The following ASB16 variants were observed in gnomAD, a reference collection of about 807,000 sequenced individuals.
ASB16 encodes the protein ankyrin repeat and SOCS box containing 16.
A neutral mutation model predicts 39.1 loss-of-function variants in ASB16; 44 were observed. That is an observed-to-expected ratio of 1.13 (90% CI 0.88 to 1.45). The LOEUF (loss-of-function observed/expected upper bound fraction) is 1.45. Among genes scored for constraint, ASB16 ranks in the 40% most tolerant of loss-of-function variants. ASB16 has a pLI of 0.00. For synonymous variants in ASB16, 305 were observed against 286.7 expected, an observed-to-expected ratio of 1.06 and a Z score of -0.64; for missense variants, 698 against 634.5, an observed-to-expected ratio of 1.10 and a Z score of -1.07.
chr17:44,178,572 A>G lies in ASB16; in HGVS notation c.*182A>G. On this transcript the variant is annotated 3_prime_UTR_variant, in exon 5 of 5. Transcript: ENST00000293414. ...ACTGCAACTTCTACCACCTAGGTTC[A>G]AGCGATTCTTGTGCCCCAAACTTCC... is the stretch of plus-strand genomic sequence containing the variant. The G allele has an allele frequency of 1.5e-6, 1 of 662,636 alleles. No individual in the cohort carries two copies. The allele number at this position is 662,636 out of a possible 1,614,324, so 41.0% of individuals were successfully genotyped here.
chr17:44,173,104 A>AAAAAC (rs1567730708), intron 2 of ASB16, among the ~76,000 whole-genome samples: 1 of 138,804 alleles, frequency 7.2e-6, no homozygotes, highest in Non-Finnish European at 1.5e-5. Context: ...AAAAAAAAAA[A>AAAAAC]AAAGCCGGGC....
chr17:44,177,152 C>G lies in ASB16; in HGVS notation c.984C>G (p.Val328=). 2 of 1,522,578 alleles carry G rather than the reference C, an allele frequency of 1.3e-6. No individual in the cohort carries two copies. Among genetic ancestry groups the G allele is most frequent in the South Asian group, 1.2e-5 (1 of 81,086 alleles). 94.3% of individuals were successfully genotyped at this position (1,522,578 alleles called of 1,614,324 possible). A position where few individuals can be genotyped will look rare whatever the true frequency, so the allele number is the denominator to read the frequency against. ...HTPMDCALQA[V]QDSPNWEPEV... ...CCATGGACTGTGCGCTGCAGGCCGT[C>G]CAGGACTCCCCCAACTGGGAGCCTG... The change falls in exon 3 of 5, where the codon GTC becomes GTG. Residue 328 remains valine (V), a synonymous_variant. Coordinates refer to ENST00000293414, the MANE Select transcript of ASB16 (RefSeq NM_080863.5).
intron 2 of ASB16, among the ~76,000 whole-genome samples, chr17:44,174,045 T>G (rs1182890012): frequency 6.7e-6 from 1 of 148,628 alleles, no homozygotes; most frequent in African/African-American, 2.5e-5. Flanking sequence ...CTATTTTTTT[T>G]TTTTTTTTTT....
Position 44,177,723 on chromosome 17 carries a change from G to GT in ASB16, c.1176+2dup, listed in dbSNP as rs1302121568. Reference sequence around the variant, plus strand: ...GGCGGTGCTCCCAGAGCTGTGGAAGGTATGTTTGCCTCAGGGCCGAGATGG... The same window carrying GT: ...GGCGGTGCTCCCAGAGCTGTGGAAGGTTATGTTTGCCTCAGGGCCGAGATGG... On this transcript the variant is annotated splice_donor_variant, in intron 4 of 4. Transcript: ENST00000293414. LOFTEE classifies it high-confidence loss of function. The GT allele has an allele frequency of 1.2e-6, 2 of 1,613,166 alleles. No individual in the cohort carries two copies. The highest frequency in any genetic ancestry group is 1.3e-5 in the African/African-American group (1 of 74,880).
In ASB16 at chr17:44,172,834, C is replaced by A. The variant is rs1171855696; in HGVS notation, c.569+521C>A. On this transcript the variant is annotated intron_variant, in intron 2 of 4. Coordinates refer to ENST00000293414, the MANE Select transcript of ASB16 (RefSeq NM_080863.5). ...GTTTTGCCATGTTGGCCAGGCTGGT[C>A]TTGAACTCCTGTCCTCAAGTGATCC... is the stretch of plus-strand genomic sequence containing the variant. Among the ~76,000 whole-genome samples the A allele has an allele frequency of 2.0e-5, 3 of 150,912 alleles. No homozygotes were observed. The South Asian group carries it at 6.5e-4, about 33-fold the overall frequency.
At position 44,176,805 on chromosome 17, in the gene ASB16, C is replaced by T. The variant is rs1275137202; in HGVS notation, c.637C>T (p.Pro213Ser). The part of the protein sequence containing the change: ...NLAAGESQET[P>S]LHVAAARGLE... The stretch of plus-strand genomic sequence containing the variant: ...GGCAGCAGGCGAGAGCCAGGAGACG[C>T]CCCTGCACGTGGCGGCGGCGCGCGG... Residue 213 changes from proline (P) to serine (S), a missense_variant, in exon 3 of 5, where the codon CCC becomes TCC. By Grantham distance (74) the Pro-to-Ser change is moderately conservative. Transcript: ENST00000293414. 1.2e-6 allele frequency: 2 copies of T among 1,613,076 alleles called. No individual in the cohort carries two copies. The highest frequency in any genetic ancestry group is 1.7e-6 in the Non-Finnish European group (2 of 1,179,504).
chr17:44,176,851 T>G lies in ASB16; in HGVS notation c.683T>G (p.Leu228Arg), dbSNP rs1363330812. The change falls in exon 3 of 5, where the codon CTG becomes CGG. Residue 228 changes from leucine to arginine, a missense_variant. Leu to Arg is a moderately radical substitution (Grantham distance 102). Coordinates refer to ENST00000293414, the MANE Select transcript of ASB16 (RefSeq NM_080863.5). ...AARGLEQHVA[L>R]YLEHGADVGL... ...CGCGGCCTGGAGCAACATGTGGCTC[T>G]GTACCTGGAGCATGGCGCCGACGTG... 6.2e-7 allele frequency: 1 copy of G among 1,611,306 alleles called. No individual in the cohort carries two copies. Among genetic ancestry groups the G allele is most frequent in the African/African-American group, 1.3e-5 (1 of 74,898 alleles).
chr17:44,174,461 T>C (rs899368489), intron 2 of ASB16, among the ~76,000 whole-genome samples: 2 of 152,168 alleles, frequency 1.3e-5, no homozygotes, highest in South Asian at 2.1e-4. Context: ...CCTCCCAAAG[T>C]GTTGGGATTA....
chr17:44,177,332 C>A, intron 3 of ASB16, 102 bp downstream of exon 3: 1 of 1,423,138 alleles, frequency 7.0e-7, no homozygotes, highest in Non-Finnish European at 9.3e-7. Context: ...AGACTGAAAG[C>A]CTGCCCTCAG....
rs964143968 is a variant in ASB16 at position 44,176,980 on chromosome 17, T to A, written c.812T>A (p.Leu271Gln). 15 of 1,489,778 alleles carry A rather than the reference T, an allele frequency of 1.0e-5. No homozygotes were observed. The highest frequency in any genetic ancestry group is 1.3e-5 in the Non-Finnish European group (15 of 1,132,154). 92.3% of individuals were successfully genotyped at this position (1,489,778 alleles called of 1,614,324 possible). ...CACCAGGCTGCGGCGCGCCGGCTCC[T>A]GGAGGCTGGAGCTGATGCCCGGGCG... is the stretch of plus-strand genomic sequence containing the variant. ...RRHQAAARRL[L>Q]EAGADARAAG... is the part of the protein sequence containing the mutation. The change falls in exon 3 of 5, where the codon CTG (leucine) becomes CAG (glutamine). Residue 271 changes from leucine (L) to glutamine (Q), a missense_variant. Coordinates refer to ENST00000293414, the MANE Select transcript of ASB16 (RefSeq NM_080863.5).
At chr17:44,174,037 ATTTTTTT>A (rs1157730462) in intron 2 of ASB16, among the ~76,000 whole-genome samples, 1 of 114,720 alleles carries the variant, frequency 8.7e-6, no homozygotes, top group Admixed American at 9.7e-5. Flanking sequence ...ACACCTGGCT[ATTTTTTT>A]TTTTTTTTTT....
chr17:44,174,628 A>G (rs1255925388), intron 2 of ASB16, among the ~76,000 whole-genome samples: 1 of 152,144 alleles, frequency 6.6e-6, no homozygotes, highest in South Asian at 2.1e-4. Context: ...ACTGCCCACA[A>G]GCTGGGGACC....
At chr17:44,173,204 T>G (rs1391981567) in intron 2 of ASB16, among the ~76,000 whole-genome samples, 3 of 143,134 alleles carry the variant, frequency 2.1e-5, no homozygotes, top group Non-Finnish European at 4.5e-5. Context: ...CTGGCCAACA[T>G]AGTGAAACCC....
In ASB16 at chr17:44,177,087, G is replaced by A. The variant is rs1254661369; in HGVS notation, c.919G>A (p.Gly307Arg). 1 of 1,475,296 alleles carries A rather than the reference G, an allele frequency of 6.8e-7. No homozygotes were observed. Among genetic ancestry groups the A allele is most frequent in the Non-Finnish European group, 8.9e-7 (1 of 1,124,438 alleles). The allele number at this position is 1,475,296 out of a possible 1,614,324, so 91.4% of individuals were successfully genotyped here. A position where few individuals can be genotyped will look rare whatever the true frequency, so the allele number is the denominator to read the frequency against. The change falls in exon 3 of 5, where the codon GGG (glycine) becomes AGG (arginine). Residue 307 changes from glycine to arginine, a missense_variant. Transcript: ENST00000293414. ...GGLAELLLRY[G>R]ARAEVPNGAG... ...CCTGGCCGAGCTGCTGCTGCGTTAC[G>A]GGGCCCGCGCTGAGGTCCCCAATGG... is the stretch of plus-strand genomic sequence containing the variant.
Position 44,178,455 on chromosome 17 carries a change from G to A in ASB16, c.*65G>A. ...CCACCTGTCCCCGCCTCCAACTGCG[G>A]AGGACCAGTTCCTGGCCCTCTTTTC... On this transcript the variant is annotated 3_prime_UTR_variant, in exon 5 of 5. Coordinates refer to ENST00000293414, the MANE Select transcript of ASB16 (RefSeq NM_080863.5). 2.0e-6 allele frequency: 3 copies of A among 1,463,434 alleles called. No homozygotes were observed. The highest frequency in any genetic ancestry group is 2.8e-6 in the Non-Finnish European group (3 of 1,088,468). The allele number at this position is 1,463,434 out of a possible 1,614,324, so 90.7% of individuals were successfully genotyped here.
At chr17:44,172,426 C>T (rs2054251125) in intron 2 of ASB16, 113 bp downstream of exon 2, 2 of 1,252,564 alleles carry the variant, frequency 1.6e-6, no homozygotes, top group African/African-American at 3.0e-5. Context: ...GTTCATAAAG[C>T]ACCGCATATA....
chr17:44,177,246 C>A lies in ASB16; in HGVS notation c.1062+16C>A. 6.6e-7 allele frequency: 1 copy of A among 1,525,302 alleles called. No homozygotes were observed. The highest frequency in any genetic ancestry group is 2.4e-5 in the East Asian group (1 of 40,956). 94.5% of individuals were successfully genotyped at this position (1,525,302 alleles called of 1,614,324 possible). A position where few individuals can be genotyped will look rare whatever the true frequency, so the allele number is the denominator to read the frequency against. ...GCGCCCTGAGGTGCGCTGGGAGGCC[C>A]TGACATAGGAGGCTCCTGTGTGGGG... On this transcript the variant is annotated intron_variant, in intron 3 of 4. Coordinates refer to ENST00000293414, the MANE Select transcript of ASB16 (RefSeq NM_080863.5).
At position 44,176,973 on chromosome 17, in the gene ASB16, CGG is replaced by C; in HGVS notation, c.806_807del (p.Arg269ProfsTer7). On this transcript the variant is annotated frameshift_variant, in exon 3 of 5. Transcript: ENST00000293414. LOFTEE classifies it high-confidence loss of function. Reference sequence around the variant, plus strand: ...CAGGCGACACCAGGCTGCGGCGCGCCGGCTCCTGGAGGCTGGAGCTGATGCCC... The same window carrying C: ...CAGGCGACACCAGGCTGCGGCGCGCCCTCCTGGAGGCTGGAGCTGATGCCC... Reference protein sequence around the residue: ...SCRRHQAAARRLLEAGADARA... With the variant: ...SCRRHQAAARXLLEAGADARA... The C allele has an allele frequency of 6.7e-7, 1 of 1,485,710 alleles. No individual in the cohort carries two copies. 92.0% of individuals were successfully genotyped at this position (1,485,710 alleles called of 1,614,324 possible).
At position 44,178,730 on chromosome 17, in the gene ASB16, A is replaced by G. The variant is rs2054336943; in HGVS notation, c.*340A>G. The G allele has an allele frequency of 3.4e-6, 1 of 297,204 alleles. No individual in the cohort carries two copies. The highest frequency in any genetic ancestry group is 3.5e-5 in the South Asian group (1 of 28,518). The allele number at this position is 297,204 out of a possible 1,614,324, so 18.4% of individuals were successfully genotyped here. A position where few individuals can be genotyped will look rare whatever the true frequency, so the allele number is the denominator to read the frequency against. On this transcript the variant is annotated 3_prime_UTR_variant, in exon 5 of 5. Transcript: ENST00000293414. Reference sequence around the variant, plus strand: ...GTGATCCACCCGCCTTGGCCTCCCAAAGTGTTGGGATTACAGGCATGAGCC... The same window carrying G: ...GTGATCCACCCGCCTTGGCCTCCCAGAGTGTTGGGATTACAGGCATGAGCC...
Sources: allele counts gnomAD v4.1 joint callset (sites outside exome capture counted in the v4.1 genomes callset), GRCh38; gene constraint gnomAD v4.1.1; transcripts MANE v1.5; gene names NCBI Gene and HGNC (gene_info 2026-07-23, HGNC 2026-07-21).